Variants in PSD3 observed in about 807,000 individuals in gnomAD.
PSD3 encodes the protein PH and SEC7 domain-containing protein 3.
A neutral mutation model predicts 105.5 loss-of-function variants in PSD3; 49 were observed. The ratio of observed to expected loss-of-function variants is 0.46; its 90% CI spans 0.37 to 0.59. The LOEUF is 0.59. Ranked by LOEUF, PSD3 falls within the 20% of genes least tolerant of loss-of-function variation. PSD3 has a pLI of 0.00. For synonymous variants in PSD3, 557 were observed against 457.8 expected (o/e 1.22, Z -2.77); for missense variants, 1,561 against 1,263.8 (o/e 1.24, Z -3.57).
chr8:18,938,067 T>C (rs775591620), intron 1 of PSD3, among the ~76,000 whole-genome samples: 1 of 152,122 alleles, frequency 6.6e-6, no homozygotes, highest in African/African-American at 2.4e-5. Flanking sequence ...AGCATTTTGA[T>C]GGGTTTGATG....
intron 1 of PSD3, among the ~76,000 whole-genome samples, chr8:18,990,477 C>T (rs138884577): frequency 2.0e-5 from 3 of 152,178 alleles, no homozygotes; most frequent in Non-Finnish European, 4.4e-5. Context: ...CTCTGGCCAG[C>T]GCCATTTCAT....
At chr8:18,635,905 G>T (rs1192065950) in intron 10 of PSD3, among the ~76,000 whole-genome samples, 1 of 151,976 alleles carries the variant, frequency 6.6e-6, no homozygotes, top group Non-Finnish European at 1.5e-5. Flanking sequence ...GAGGGCAAGG[G>T]GAGGGAGGAG....
chr8:18,871,592 C>T, intron 3 of PSD3, 34 bp downstream of exon 3: 1 of 1,552,726 alleles, frequency 6.4e-7, no homozygotes, highest in African/African-American at 1.4e-5. Context: ...ATGTACCAGG[C>T]ATCTGAGACA....
chr8:18,679,522 T>G (rs1400038367), intron 9 of PSD3, among the ~76,000 whole-genome samples: 1 of 152,228 alleles, frequency 6.6e-6, no homozygotes, highest in Non-Finnish European at 1.5e-5. Context: ...CTTTGTTAAA[T>G]CTAGCTCAGT....
At chr8:18,711,767 G>C (rs1802271163) in intron 9 of PSD3, among the ~76,000 whole-genome samples, 1 of 152,078 alleles carries the variant, frequency 6.6e-6, no homozygotes, top group Non-Finnish European at 1.5e-5. Context: ...AATCAGCTCT[G>C]GATCAAGCAG....
At chr8:18,737,229 C>T (rs1804217820) in intron 9 of PSD3, among the ~76,000 whole-genome samples, 1 of 152,176 alleles carries the variant, frequency 6.6e-6, no homozygotes, top group Non-Finnish European at 1.5e-5. Flanking sequence ...AGCTGAGAAA[C>T]ACTGCATTAG....
intron 8 of PSD3, among the ~76,000 whole-genome samples, chr8:18,769,282 CA>C (rs1807286755): frequency 6.6e-6 from 1 of 152,010 alleles, no homozygotes; most frequent in Non-Finnish European, 1.5e-5. Flanking sequence ...AGTTAATCAC[CA>C]AAACTATTTT....
At chr8:18,760,055 A>C (rs560824012) in intron 9 of PSD3, among the ~76,000 whole-genome samples, 1 of 151,650 alleles carries the variant, frequency 6.6e-6, no homozygotes, top group East Asian at 1.9e-4. Flanking sequence ...AATTCAGGGA[A>C]CAGAAATGCA....
chr8:18,961,469 A>G (rs1027714879), intron 1 of PSD3, among the ~76,000 whole-genome samples: 1 of 152,174 alleles, frequency 6.6e-6, no homozygotes, highest in African/African-American at 2.4e-5. Flanking sequence ...CGGGCGGATC[A>G]TCTAAGGTCA....
chr8:18,996,467 A>G (rs1022165031), intron 1 of PSD3, among the ~76,000 whole-genome samples: 6 of 151,958 alleles, frequency 3.9e-5, no homozygotes, highest in African/African-American at 1.5e-4. Context: ...TTTTTGATGG[A>G]GATGGGAAGA....
At chr8:18,651,257 G>T (rs943649093) in intron 10 of PSD3, among the ~76,000 whole-genome samples, 1 of 152,142 alleles carries the variant, frequency 6.6e-6, no homozygotes, top group African/African-American at 2.4e-5. Flanking sequence ...AACCCAGTCA[G>T]AAAACCAATG....
intron 12 of PSD3, among the ~76,000 whole-genome samples, chr8:18,585,129 C>G (rs1331479948): frequency 6.6e-6 from 1 of 152,078 alleles, no homozygotes; most frequent in African/African-American, 2.4e-5. Flanking sequence ...TTTATGGAGG[C>G]ATTTGTCTCC....
chr8:19,005,715 C>G (rs1826644616), intron 1 of PSD3, among the ~76,000 whole-genome samples: 1 of 151,898 alleles, frequency 6.6e-6, no homozygotes, highest in South Asian at 2.1e-4. Context: ...TCTCAAACTC[C>G]TGAGCTCAAG....
chr8:18,619,872 G>A (rs935273432), intron 11 of PSD3, among the ~76,000 whole-genome samples: 7 of 152,154 alleles, frequency 4.6e-5, no homozygotes, highest in African/African-American at 1.2e-4. Context: ...CTCCAAAGCC[G>A]TCCTTTGTGG....
At chr8:18,707,843 A>G (rs1801994236) in intron 9 of PSD3, among the ~76,000 whole-genome samples, 1 of 152,232 alleles carries the variant, frequency 6.6e-6, no homozygotes, top group Non-Finnish European at 1.5e-5. Context: ...AGCCTGAATC[A>G]AACAGACAGA....
At chr8:19,004,235 C>CT (rs1188434248) in intron 1 of PSD3, among the ~76,000 whole-genome samples, 21 of 151,986 alleles carry the variant, frequency 1.4e-4, no homozygotes, top group African/African-American at 4.8e-4. Flanking sequence ...CCAAAATTTC[C>CT]TTTCAGTATA....
At chr8:18,767,201 C>CA (rs1807072471) in intron 8 of PSD3, among the ~76,000 whole-genome samples, 1 of 152,132 alleles carries the variant, frequency 6.6e-6, no homozygotes, top group Non-Finnish European at 1.5e-5. Context: ...ATTAGAAAAT[C>CA]CAAACTACAA....
intron 1 of PSD3, among the ~76,000 whole-genome samples, chr8:18,969,178 A>C (rs1409253725): frequency 6.6e-6 from 1 of 152,214 alleles, no homozygotes; most frequent in Non-Finnish European, 1.5e-5. Context: ...AGAATGACTT[A>C]CCTTACTGGA....
intron 1 of PSD3, among the ~76,000 whole-genome samples, chr8:18,987,288 T>A (rs1165962547): frequency 2.7e-5 from 4 of 150,926 alleles, no homozygotes; most frequent in Admixed American, 2.0e-4. Context: ...TTATTTTTTT[T>A]TTTATATATA....
Sources: gnomAD v4.1 joint callset for allele counts (sites outside exome capture counted in the v4.1 genomes callset) on GRCh38, gnomAD v4.1.1 for gene constraint, MANE v1.5 for transcripts, NCBI Gene and HGNC (gene_info 2026-07-23, HGNC 2026-07-21) for gene names.